Variants in OPCML observed in about 807,000 individuals in gnomAD.
The protein encoded by OPCML is opioid-binding protein/cell adhesion molecule.
In OPCML, 13 loss-of-function variants were observed where a neutral mutation model predicts 37.8. The ratio of observed to expected loss-of-function variants is 0.34; its 90% CI spans 0.22 to 0.55. OPCML has a LOEUF of 0.55. Ranked by LOEUF, OPCML falls within the 20% of genes least tolerant of loss-of-function variation. The pLI, the probability that OPCML is intolerant of heterozygous loss-of-function variation, is 0.91. For synonymous variants in OPCML, 176 were observed against 168.8 expected (o/e 1.04, Z -0.33); for missense variants, 341 against 435.6 (o/e 0.78, Z 1.93).
At chr11:132,462,047 G>T (rs936699991) in intron 4 of OPCML, among the ~76,000 whole-genome samples, 20 of 152,178 alleles carry the variant, frequency 1.3e-4, no homozygotes, top group African/African-American at 4.3e-4. Flanking sequence ...AGGTGACAAT[G>T]TACTACTTGC....
At chr11:133,072,803 G>C (rs936726894) in intron 1 of OPCML, among the ~76,000 whole-genome samples, 1 of 152,250 alleles carries the variant, frequency 6.6e-6, no homozygotes, top group African/African-American at 2.4e-5. Flanking sequence ...CAAGGGGACT[G>C]TAAGTACTCA....
intron 1 of OPCML, among the ~76,000 whole-genome samples, chr11:133,235,483 A>C (rs367630000): frequency 2.0e-5 from 3 of 152,346 alleles, no homozygotes; most frequent in African/African-American, 7.2e-5. Context: ...AGAAAAAAGC[A>C]ACTAGAAAGG....
chr11:133,141,588 A>G (rs1278089887), intron 1 of OPCML, among the ~76,000 whole-genome samples: 1 of 151,908 alleles, frequency 6.6e-6, no homozygotes, highest in Admixed American at 6.6e-5. Context: ...GATGCTTCCC[A>G]TATCTTTATT....
chr11:133,140,540 G>T (rs28752240), intron 1 of OPCML, among the ~76,000 whole-genome samples: 10,870 of 77,414 alleles, frequency 0.14, 515 homozygotes, highest in African/African-American at 0.25. Flanking sequence ...ATAAGAAGAA[G>T]AAGAAGAAGA....
chr11:133,068,359 C>A (rs1173665604), intron 1 of OPCML, among the ~76,000 whole-genome samples: 1 of 152,192 alleles, frequency 6.6e-6, no homozygotes, highest in Non-Finnish European at 1.5e-5. Context: ...ACTAGAATTT[C>A]ATTTACATAT....
At chr11:132,851,346 T>C (rs773097077) in intron 2 of OPCML, among the ~76,000 whole-genome samples, 2 of 152,190 alleles carry the variant, frequency 1.3e-5, no homozygotes, top group Non-Finnish European at 1.5e-5. Flanking sequence ...ATTTTCTTTG[T>C]AATCCTATCT....
intron 2 of OPCML, among the ~76,000 whole-genome samples, chr11:132,831,709 A>C (rs1359778688): frequency 7.5e-6 from 1 of 133,508 alleles, no homozygotes. Context: ...ATCCCCCAAC[A>C]CAACTCTTCC....
chr11:132,827,369 C>T (rs768440789), intron 2 of OPCML, among the ~76,000 whole-genome samples: 1 of 152,128 alleles, frequency 6.6e-6, no homozygotes, highest in Non-Finnish European at 1.5e-5. Flanking sequence ...TATCACTACA[C>T]ACCTACTTGA....
chr11:132,844,319 T>C (rs541690653), intron 2 of OPCML, among the ~76,000 whole-genome samples: 1 of 152,328 alleles, frequency 6.6e-6, no homozygotes, highest in Admixed American at 6.5e-5. Context: ...TGAACCCATA[T>C]TTGTGAAAAC....
chr11:132,589,632 A>C (rs79081568), intron 3 of OPCML, among the ~76,000 whole-genome samples: 580 of 152,338 alleles, frequency 3.8e-3, no homozygotes, highest in African/African-American at 0.013. Flanking sequence ...TTGAAGGACC[A>C]GTTGAAGTAC....
At chr11:133,432,033 G>A (rs1217654295) in intron 1 of OPCML, among the ~76,000 whole-genome samples, 1 of 151,990 alleles carries the variant, frequency 6.6e-6, no homozygotes, top group Non-Finnish European at 1.5e-5. Flanking sequence ...TTCTAAGCAG[G>A]AGCTAAATAT....
intron 1 of OPCML, among the ~76,000 whole-genome samples, chr11:133,432,672 T>G (rs2136919721): frequency 6.6e-6 from 1 of 152,348 alleles, no homozygotes; most frequent in Non-Finnish European, 1.5e-5. Context: ...ATGTTAGACC[T>G]ACATGGGAGT....
intron 1 of OPCML, among the ~76,000 whole-genome samples, chr11:133,434,564 A>C (rs2136923392): frequency 6.6e-6 from 1 of 152,066 alleles, no homozygotes; most frequent in Non-Finnish European, 1.5e-5. Flanking sequence ...TTCAGAAGTG[A>C]CTTCTATAGC....
chr11:133,069,003 T>C (rs1186389870), intron 1 of OPCML, among the ~76,000 whole-genome samples: 1 of 152,190 alleles, frequency 6.6e-6, no homozygotes, highest in Non-Finnish European at 1.5e-5. Context: ...GAGAACATCA[T>C]AATTTGGAGC....
In OPCML at chr11:132,626,451, T is replaced by C. The variant is rs550984537; in HGVS notation, c.379+30636A>G. ...AGGGAATTTGGAAACCACAGAAGGA[T>C]TTTAAGTTGGGAAAGAAATAAGATT... On this transcript the variant is annotated intron_variant, in intron 3 of 7. Coordinates refer to ENST00000524381, the MANE Select transcript of OPCML (RefSeq NM_001012393.5). 4.6e-5 allele frequency among the ~76,000 whole-genome samples: 7 copies of C among 152,220 alleles called. No individual in the cohort carries two copies. The South Asian group carries it at 1.2e-3, about 27-fold the overall frequency.
intron 1 of OPCML, among the ~76,000 whole-genome samples, chr11:133,279,612 G>A (rs951117858): frequency 8.5e-5 from 13 of 152,172 alleles, no homozygotes; most frequent in African/African-American, 3.1e-4. Context: ...TTTCAGACAC[G>A]GCCCCTTCCT....
rs547378409 is a variant in OPCML at position 132,585,469 on chromosome 11, A to AT, written c.380-56284dup. On this transcript the variant is annotated intron_variant, in intron 3 of 7. Coordinates refer to ENST00000524381, the MANE Select transcript of OPCML (RefSeq NM_001012393.5). Reference sequence around the variant, plus strand: ...TAACATTTCAGTTTGATTACTTGACATTTAGCATGAATGACTCCATTTTGG... The same window carrying AT: ...TAACATTTCAGTTTGATTACTTGACATTTTAGCATGAATGACTCCATTTTGG... Among the ~76,000 whole-genome samples the AT allele has an allele frequency of 2.6e-5, 4 of 152,214 alleles. No homozygotes were observed. The South Asian group carries it at 6.2e-4, about 24-fold the overall frequency.
chr11:133,011,453 T>A (rs1947211751), intron 1 of OPCML, among the ~76,000 whole-genome samples: 1 of 150,074 alleles, frequency 6.7e-6, no homozygotes, highest in African/African-American at 2.5e-5. Flanking sequence ...ATAATTGGAG[T>A]CAATGACCTT....
chr11:132,730,435 CG>C (rs1397718223), intron 2 of OPCML, among the ~76,000 whole-genome samples: 2 of 151,958 alleles, frequency 1.3e-5, no homozygotes, highest in Non-Finnish European at 2.9e-5. Flanking sequence ...TGAAGAATAG[CG>C]GGTGTGGGAA....
Sources: gnomAD v4.1 joint callset for allele counts (sites outside exome capture counted in the v4.1 genomes callset) on GRCh38, gnomAD v4.1.1 for gene constraint, MANE v1.5 for transcripts, NCBI Gene and HGNC (gene_info 2026-07-23, HGNC 2026-07-21) for gene names.